F8: variants seen among roughly 807,000 people sequenced by gnomAD.
F8 encodes the protein coagulation factor VIII, also known as antihemophilic factor.
A neutral mutation model predicts 140.6 loss-of-function variants in F8; 12 were observed. The ratio of observed to expected loss-of-function variants is 0.09; its 90% CI spans 0.05 to 0.14. The LOEUF (loss-of-function observed/expected upper bound fraction) is 0.14. Among genes scored for constraint, F8 ranks in the 10% least tolerant of loss-of-function variants. The pLI, the probability that F8 is intolerant of heterozygous loss-of-function variation, is 1.00. For synonymous variants in F8, 585 were observed against 614.6 expected (o/e 0.95, Z 0.71); for missense variants, 1,354 against 1,720.7 (o/e 0.79, Z 3.77).
At chrX:154,864,836 CAG>C (rs1223417126) in intron 22 of F8, among the ~76,000 whole-genome samples, 14 of 110,088 alleles carry the variant, frequency 1.3e-4, no homozygotes, top group African/African-American at 4.3e-4. Context: ...GAAGGAAGAA[CAG>C]AGGACTTATG....
chrX:154,898,730 G>C (rs1441023097), intron 21 of F8, among the ~76,000 whole-genome samples: 3 of 112,195 alleles, frequency 2.7e-5, no homozygotes, highest in Admixed American at 9.4e-5. Flanking sequence ...TCATGACTTT[G>C]CTGCAGTATT....
At chrX:154,921,435 T>G (rs2073129709) in intron 14 of F8, among the ~76,000 whole-genome samples, 1 of 112,105 alleles carries the variant, frequency 8.9e-6, no homozygotes, top group African/African-American at 3.2e-5. Flanking sequence ...TTGGTGGGAC[T>G]GTAAACTAGT....
rs193070242 is a variant in F8 at position 154,851,101 on chromosome X, C to T, written c.6900+9331G>A. On this transcript the variant is annotated intron_variant, in intron 25 of 25. Transcript: ENST00000360256. ...CTTCTGGCAACCACTAATCTGTTTT[C>T]TGTCTCTATGGATTTGCTATTCTGG... Among the ~76,000 whole-genome samples, 482 of 112,317 alleles carry T rather than the reference C, an allele frequency of 4.3e-3. 6 individuals are homozygous for T. The Middle Eastern group carries it at 0.046, about 11-fold the overall frequency.
At chrX:154,963,495 A>G (rs1007230945) in intron 9 of F8, among the ~76,000 whole-genome samples, 1 of 111,836 alleles carries the variant, frequency 8.9e-6, no homozygotes, top group East Asian at 2.8e-4. Flanking sequence ...TATTGTGAGT[A>G]GTGCCGCAAT....
intron 13 of F8, among the ~76,000 whole-genome samples, chrX:154,943,369 CA>C (rs1485789012): frequency 9.9e-5 from 11 of 111,631 alleles, no homozygotes; most frequent in Non-Finnish European, 1.7e-4. Flanking sequence ...TCTTATACAC[CA>C]ATAACAGGCA....
At chrX:154,873,507 C>A (rs1370502313) in intron 22 of F8, among the ~76,000 whole-genome samples, 1 of 111,877 alleles carries the variant, frequency 8.9e-6, no homozygotes, top group Non-Finnish European at 1.9e-5. Flanking sequence ...GGATTACAGG[C>A]GTGGGCCACC....
intron 1 of F8, among the ~76,000 whole-genome samples, chrX:155,017,537 T>A (rs2073740401): frequency 8.9e-6 from 1 of 112,716 alleles, no homozygotes; most frequent in South Asian, 3.6e-4. Context: ...AAGAAGATAT[T>A]ACAAACTATT....
intron 14 of F8, among the ~76,000 whole-genome samples, chrX:154,912,134 T>C (rs1557276821): frequency 1.8e-5 from 2 of 112,396 alleles, no homozygotes; most frequent in African/African-American, 3.2e-5. Flanking sequence ...AAATATTTCA[T>C]CCCATCCTGT....
chrX:154,849,825 T>C (rs782790875), intron 25 of F8, among the ~76,000 whole-genome samples: 1 of 111,312 alleles, frequency 9.0e-6, no homozygotes, highest in Admixed American at 9.6e-5. Flanking sequence ...TCTTACATTG[T>C]GTGTATTTCT....
intron 3 of F8, among the ~76,000 whole-genome samples, chrX:154,993,433 T>A (rs1352503945): frequency 4.5e-5 from 5 of 111,873 alleles, no homozygotes; most frequent in African/African-American, 1.6e-4. Flanking sequence ...TTTGTATTTT[T>A]AGTAGAGATG....
intron 2 of F8, 110 bp downstream of exon 2, chrX:154,999,369 C>T: frequency 1.1e-6 from 1 of 871,369 alleles, no homozygotes; most frequent in Non-Finnish European, 1.7e-6. Flanking sequence ...GTTAGGGAAA[C>T]ATTCTCTTTG....
chrX:154,860,294 A>G (rs1273668799), intron 25 of F8, 138 bp downstream of exon 25: 2 of 598,610 alleles, frequency 3.3e-6, no homozygotes, highest in Non-Finnish European at 5.4e-6. Context: ...GCCTTTTACA[A>G]TGTCTTGCTA....
rs782149855 is a variant in F8 at position 154,906,449 on chromosome X, T to C, written c.5344A>G (p.Ile1782Val). Residue 1782 changes from isoleucine to valine, a missense_variant, in exon 15 of 26, where the codon ATA becomes GTA. By Grantham distance (29) the Ile-to-Val change is conservative (BLOSUM62 3). This residue lies in a region of F8 where 316 missense variants were observed against 485.4 expected (regional missense o/e 0.65). Transcript: ENST00000360256. ...ATATTATCTTCAACTTCTGCTCTTATATATGGCCCCAGGAGTCCCAAATGT... is the reference window on the plus strand; with the variant it reads ...ATATTATCTTCAACTTCTGCTCTTACATATGGCCCCAGGAGTCCCAAATGT... ...NEHLGLLGPY[I>V]RAEVEDNIMV... 3 of 1,210,504 alleles carry C rather than the reference T, an allele frequency of 2.5e-6. No individual in the cohort carries two copies. In the South Asian group the frequency reaches 5.3e-5, roughly 21 times the overall value.
At chrX:154,891,608 A>T (rs1557275183) in intron 22 of F8, among the ~76,000 whole-genome samples, 1 of 112,530 alleles carries the variant, frequency 8.9e-6, no homozygotes, top group Admixed American at 9.4e-5. Flanking sequence ...AAAACAAGAG[A>T]GCTAACATTG....
chrX:154,871,444 G>C (rs1009122211), intron 22 of F8, among the ~76,000 whole-genome samples: 7 of 112,033 alleles, frequency 6.2e-5, no homozygotes, highest in African/African-American at 2.3e-4. Context: ...CAAGCAATGG[G>C]GAAAAGATTC....
intron 11 of F8, among the ~76,000 whole-genome samples, chrX:154,954,922 G>A (rs187814931): frequency 8.9e-4 from 99 of 111,124 alleles, no homozygotes; most frequent in African/African-American, 3.1e-3. Flanking sequence ...CATATGAAAT[G>A]TTTTCAGACT....
Position 154,972,705 on chromosome X carries a change from TTC to T in F8, c.788-3155_788-3154del, listed in dbSNP as rs1557282692. ...TTGTTCTTTTCTTTTCTTTCTGTCTTTCTTTTTTTTTTTTTTTTTTTTTTTTT... is the reference window on the plus strand; with the variant it reads ...TTGTTCTTTTCTTTTCTTTCTGTCTTTTTTTTTTTTTTTTTTTTTTTTTTT... On this transcript the variant is annotated intron_variant, in intron 6 of 25. Transcript: ENST00000360256. 1.2e-4 allele frequency among the ~76,000 whole-genome samples: 11 copies of T among 88,244 alleles called. 1 individual carries two copies. Among genetic ancestry groups the T allele is most frequent in the African/African-American group, 4.7e-4 (9 of 19,259 alleles). 76.6% of individuals were successfully genotyped at this position (88,244 alleles called of 115,157 possible). A position where few individuals can be genotyped will look rare whatever the true frequency, so the allele number is the denominator to read the frequency against.
At chrX:154,857,865 G>A (rs1251210793) in intron 25 of F8, among the ~76,000 whole-genome samples, 1 of 112,686 alleles carries the variant, frequency 8.9e-6, no homozygotes, top group Non-Finnish European at 1.9e-5. Flanking sequence ...TGGGCCGGGT[G>A]CAGTGGCTCA....
intron 25 of F8, among the ~76,000 whole-genome samples, chrX:154,840,500 T>C (rs782387654): frequency 8.9e-6 from 1 of 111,941 alleles, no homozygotes; most frequent in South Asian, 3.7e-4. Flanking sequence ...TTCTTTTGAC[T>C]GGAAAATGGT....
Sources: allele counts gnomAD v4.1 joint callset (sites outside exome capture counted in the v4.1 genomes callset), GRCh38; gene constraint gnomAD v4.1.1; regional missense constraint gnomAD v4.1.1; transcripts MANE v1.5; gene names NCBI Gene and HGNC (gene_info 2026-07-23, HGNC 2026-07-21).